SLCO3A1: variants seen among roughly 807,000 people sequenced by gnomAD.
The protein encoded by SLCO3A1 is PGE1 transporter.
In SLCO3A1, 27 loss-of-function variants were observed where a neutral mutation model predicts 63.1. The ratio of observed to expected loss-of-function variants is 0.43; its 90% CI spans 0.32 to 0.59. SLCO3A1 has a LOEUF of 0.59. Ranked by LOEUF, SLCO3A1 falls within the 20% of genes least tolerant of loss-of-function variation. The pLI, the probability that SLCO3A1 is intolerant of heterozygous loss-of-function variation, is 0.09. For missense variants in SLCO3A1, 773 were observed against 945.8 expected (o/e 0.82, Z 2.40); for synonymous variants, 473 against 409.9 (o/e 1.15, Z -1.86).
At chr15:91,947,663 T>G (rs968428382) in intron 2 of SLCO3A1, among the ~76,000 whole-genome samples, 3 of 152,324 alleles carry the variant, frequency 2.0e-5, no homozygotes. Flanking sequence ...AAATGTGAGT[T>G]AGTTCCCGAC....
intron 9 of SLCO3A1, among the ~76,000 whole-genome samples, chr15:92,156,866 T>C (rs1049638317): frequency 6.6e-6 from 1 of 152,218 alleles, no homozygotes; most frequent in Non-Finnish European, 1.5e-5. Context: ...AATTTGAACT[T>C]ATTTTTCTTA....
intron 7 of SLCO3A1, among the ~76,000 whole-genome samples, chr15:92,133,572 CA>C (rs2048021983): frequency 1.4e-5 from 2 of 145,280 alleles, no homozygotes; most frequent in South Asian, 4.4e-4. Flanking sequence ...GTCAGATCAG[CA>C]GTGGCATTGG....
intron 3 of SLCO3A1, among the ~76,000 whole-genome samples, chr15:92,102,885 G>A (rs1222721949): frequency 2.0e-5 from 3 of 152,276 alleles, no homozygotes; most frequent in South Asian, 2.1e-4. Context: ...CCTGTGTTCC[G>A]TTCTTCAGCC....
chr15:91,857,433 G>A (rs1896953492), intron 1 of SLCO3A1, among the ~76,000 whole-genome samples: 1 of 152,198 alleles, frequency 6.6e-6, no homozygotes, highest in African/African-American at 2.4e-5. Context: ...CCTCCTGACT[G>A]GCTATGACAT....
At chr15:91,879,767 G>T (rs1274001663) in intron 1 of SLCO3A1, among the ~76,000 whole-genome samples, 1 of 152,180 alleles carries the variant, frequency 6.6e-6, no homozygotes, top group Non-Finnish European at 1.5e-5. Flanking sequence ...ATACTGTCAT[G>T]GGACAGGTTT....
chr15:91,957,107 T>TTATATATAATATATAGTATATA (rs1900251752), intron 2 of SLCO3A1, among the ~76,000 whole-genome samples: 1 of 294 alleles, frequency 3.4e-3, no homozygotes, highest in Non-Finnish European at 5.4e-3. Context: ...ATATAATATA[T>TTATATATAATATATAGTATATA]ATATATATAA....
chr15:92,020,351 A>G (rs1327473749), intron 2 of SLCO3A1, among the ~76,000 whole-genome samples: 1 of 152,188 alleles, frequency 6.6e-6, no homozygotes, highest in Non-Finnish European at 1.5e-5. Context: ...GTTTGAAGCA[A>G]TGCTGAAATC....
intron 1 of SLCO3A1, among the ~76,000 whole-genome samples, chr15:91,864,081 T>A (rs1409891409): frequency 1.3e-5 from 2 of 152,184 alleles, no homozygotes; most frequent in African/African-American, 4.8e-5. Context: ...AGGCTCAGAG[T>A]GGCACGTGGA....
intron 2 of SLCO3A1, among the ~76,000 whole-genome samples, chr15:92,031,380 G>A (rs2046646464): frequency 6.6e-6 from 1 of 152,220 alleles, no homozygotes; most frequent in Non-Finnish European, 1.5e-5. Context: ...ATGGGAGCCT[G>A]TTTTGTTTGG....
intron 2 of SLCO3A1, among the ~76,000 whole-genome samples, chr15:91,962,536 A>G (rs1384162542): frequency 6.6e-6 from 1 of 151,002 alleles, no homozygotes; most frequent in Non-Finnish European, 1.5e-5. Flanking sequence ...GAAAGAAAAC[A>G]GGAAACAACT....
At chr15:92,145,321 A>C (rs1391539030) in intron 7 of SLCO3A1, among the ~76,000 whole-genome samples, 5 of 151,958 alleles carry the variant, frequency 3.3e-5, no homozygotes, top group Non-Finnish European at 7.4e-5. Flanking sequence ...TCCTGGGAAG[A>C]GGAGGAGTGG....
intron 1 of SLCO3A1, among the ~76,000 whole-genome samples, chr15:91,857,385 C>G (rs1485267819): frequency 6.6e-6 from 1 of 152,146 alleles, no homozygotes; most frequent in Non-Finnish European, 1.5e-5. Context: ...TTCAGATAAA[C>G]CAATAGTCAC....
intron 2 of SLCO3A1, among the ~76,000 whole-genome samples, chr15:91,947,233 C>T (rs2151406258): frequency 6.6e-6 from 1 of 152,322 alleles, no homozygotes; most frequent in East Asian, 1.9e-4. Flanking sequence ...TACGACCCCT[C>T]CTTGTCGAGG....
chr15:92,007,358 A>G (rs540231178), intron 2 of SLCO3A1, among the ~76,000 whole-genome samples: 2 of 152,300 alleles, frequency 1.3e-5, no homozygotes, highest in East Asian at 3.9e-4. Context: ...GGGACATTGG[A>G]TGGATATATG....
intron 2 of SLCO3A1, among the ~76,000 whole-genome samples, chr15:91,983,336 A>G (rs1597186660): frequency 6.6e-6 from 1 of 152,162 alleles, no homozygotes; most frequent in Admixed American, 6.5e-5. Flanking sequence ...GACCCTGAGA[A>G]TTACCCGAGT....
chr15:91,935,114 T>C (rs1899363764), intron 2 of SLCO3A1, among the ~76,000 whole-genome samples: 1 of 152,116 alleles, frequency 6.6e-6, no homozygotes, highest in African/African-American at 2.4e-5. Flanking sequence ...CCACCACGCC[T>C]GGCTAATTTT....
intron 2 of SLCO3A1, among the ~76,000 whole-genome samples, chr15:92,004,749 A>G (rs1181556427): frequency 1.3e-5 from 2 of 152,334 alleles, no homozygotes; most frequent in East Asian, 1.9e-4. Context: ...GCTTCTCCCA[A>G]TTGTCCCTCA....
chr15:92,057,144 T>G (rs1332496237), intron 2 of SLCO3A1, among the ~76,000 whole-genome samples: 3 of 152,292 alleles, frequency 2.0e-5, no homozygotes, highest in South Asian at 2.1e-4. Flanking sequence ...AAGTCCATTC[T>G]TAGCTTTCTG....
At position 91,950,667 on chromosome 15, in the gene SLCO3A1, G is replaced by A. The variant is rs915539798; in HGVS notation, c.646+34209G>A. Among the ~76,000 whole-genome samples, 2 of 152,172 alleles carry A rather than the reference G, an allele frequency of 1.3e-5. No homozygotes were observed. Among genetic ancestry groups the A allele is most frequent in the East Asian group, 1.9e-4 (1 of 5,196 alleles). ...TTCCCGCTGTTTATTTAATGTACAT[G>A]TTGTCTGACTTCATTTGGTTCTGTA... On this transcript the variant is annotated intron_variant, in intron 2 of 9. Transcript: ENST00000318445. The surrounding 1 kb of genome is among the most constrained non-coding windows in gnomAD (Gnocchi z 4.4).
Sources: allele counts gnomAD v4.1 joint callset (sites outside exome capture counted in the v4.1 genomes callset), GRCh38; gene constraint gnomAD v4.1.1; non-coding constraint Gnocchi (gnomAD v3.1); transcripts MANE v1.5; gene names NCBI Gene and HGNC (gene_info 2026-07-23, HGNC 2026-07-21).